Variants in UBE2D2 observed in about 807,000 individuals in gnomAD.
The protein encoded by UBE2D2 is ubiquitin-conjugating enzyme E2 D2.
Under a neutral mutation model 24.2 loss-of-function variants are expected in UBE2D2, and 2 were observed. That is an observed-to-expected ratio of 0.08 (90% CI 0.03 to 0.26). UBE2D2 has a LOEUF of 0.26. Ranked by LOEUF, UBE2D2 falls within the 10% of genes least tolerant of loss-of-function variation. The pLI is 1.00. For missense variants in UBE2D2, 44 were observed against 177.6 expected (o/e 0.25, Z 4.28); for synonymous variants, 58 against 56.5 (o/e 1.03, Z -0.12).
intron 1 of UBE2D2, chr5:139,562,541 G>A: frequency 1.0e-6 from 1 of 979,574 alleles, no homozygotes; most frequent in South Asian, 1.5e-5. Flanking sequence ...GGCAAAGGTA[G>A]AGGTAGAAAC....
At chr5:139,597,061 TA>T (rs368955232) in intron 1 of UBE2D2, among the ~76,000 whole-genome samples, 68 of 151,242 alleles carry the variant, frequency 4.5e-4, no homozygotes, top group East Asian at 3.3e-3. Flanking sequence ...AAAATTACAT[TA>T]AAAAAAATAA....
chr5:139,568,663 G>A (rs552643073), intron 1 of UBE2D2, among the ~76,000 whole-genome samples: 14 of 144,086 alleles, frequency 9.7e-5, no homozygotes, highest in South Asian at 4.4e-4. Context: ...TCTAGAAAAA[G>A]AAAAAAATGA....
At chr5:139,559,819 A>G (rs758229535), upstream of UBE2D2, among the ~76,000 whole-genome samples, 3 of 152,138 alleles carry the variant, frequency 2.0e-5, no homozygotes, top group Non-Finnish European at 2.9e-5. Flanking sequence ...GAATGTGGGC[A>G]TTACCTCCCA....
intron 1 of UBE2D2, among the ~76,000 whole-genome samples, chr5:139,535,613 A>T (rs1345304072): frequency 2.0e-5 from 3 of 151,720 alleles, no homozygotes; most frequent in African/African-American, 7.3e-5. Context: ...TGGGTGACAG[A>T]GTGACACTAT....
At chr5:139,535,804 A>G (rs1012576413) in intron 1 of UBE2D2, among the ~76,000 whole-genome samples, 8 of 152,276 alleles carry the variant, frequency 5.3e-5, no homozygotes, top group Non-Finnish European at 7.3e-5. Context: ...AATGTATTAC[A>G]GTGAGCTCTC....
intron 1 of UBE2D2, among the ~76,000 whole-genome samples, chr5:139,537,333 T>G (rs531460545): frequency 5.6e-4 from 85 of 152,232 alleles, no homozygotes; most frequent in Non-Finnish European, 9.6e-4. Context: ...TGATTGATTG[T>G]TATGCTTCTT....
At position 139,627,516 on chromosome 5, in the gene UBE2D2, A is replaced by ATAAT. The variant is rs1754657732; in HGVS notation, c.*717_*718insATTA. The ATAAT allele has an allele frequency of 6.6e-6, 1 of 152,650 alleles. No homozygotes were observed. The highest frequency in any genetic ancestry group is 1.5e-5 in the Non-Finnish European group (1 of 68,044). The allele number at this position is 152,650 out of a possible 1,614,324, so 9.5% of individuals were successfully genotyped here. On this transcript the variant is annotated 3_prime_UTR_variant, in exon 7 of 7. Transcript: ENST00000398733. ...TGGTTTCTCAGTTAATACATAGCTA[A>ATAAT]TAGCTCTTATTTTTCTTATGTTTTT... is the stretch of plus-strand genomic sequence containing the variant.
upstream of UBE2D2, among the ~76,000 whole-genome samples, chr5:139,560,518 G>A (rs912218050): frequency 1.3e-5 from 2 of 152,024 alleles, no homozygotes; most frequent in Non-Finnish European, 2.9e-5. Context: ...TTTTAGTAGA[G>A]ATGGGGTTTC....
At chr5:139,603,997 T>A (rs920210279) in intron 2 of UBE2D2, among the ~76,000 whole-genome samples, 6 of 151,794 alleles carry the variant, frequency 4.0e-5, no homozygotes, top group Admixed American at 3.9e-4. Flanking sequence ...GAGAAAAAAA[T>A]AGATATTATT....
intron 1 of UBE2D2, among the ~76,000 whole-genome samples, chr5:139,571,313 A>G (rs1753346977): frequency 6.6e-6 from 1 of 151,594 alleles, no homozygotes; most frequent in Non-Finnish European, 1.5e-5. Flanking sequence ...AGGCTGAGGC[A>G]GGAGAATCAC....
chr5:139,529,012 C>A lies in UBE2D2; in HGVS notation c.-64+2400C>A, dbSNP rs373230936. On this transcript the variant is annotated intron_variant, in intron 1 of 6. Transcript: ENST00000511725. The stretch of plus-strand genomic sequence containing the variant: ...AACTCATTGCGGGACTCATTTTCCT[C>A]AAAATTTGGACTTGTACAATAAGGA... Among the ~76,000 whole-genome samples, 4 of 152,288 alleles carry A rather than the reference C, an allele frequency of 2.6e-5. No individual in the cohort carries two copies. In the East Asian group the frequency reaches 5.8e-4, roughly 22 times the overall value.
At chr5:139,554,846 GT>G (rs958177263) in intron 1 of UBE2D2, 2 of 151,490 alleles carry the variant, frequency 1.3e-5, no homozygotes, top group African/African-American at 4.8e-5. Context: ...TTCTGTCAAT[GT>G]TTTTTATTTT....
chr5:139,576,967 A>ATT (rs57930268), intron 1 of UBE2D2, among the ~76,000 whole-genome samples: 14 of 96,744 alleles, frequency 1.4e-4, no homozygotes, highest in African/African-American at 2.9e-4. Context: ...TTTAACTTGA[A>ATT]TTTTTTTTTT....
chr5:139,601,515 G>A (rs1326475679), intron 2 of UBE2D2, among the ~76,000 whole-genome samples: 1 of 152,294 alleles, frequency 6.6e-6, no homozygotes, highest in East Asian at 1.9e-4. Context: ...GGCTAAGGTG[G>A]GAGGTTTGCT....
chr5:139,567,786 G>A (rs1488278157), intron 1 of UBE2D2, among the ~76,000 whole-genome samples: 3 of 151,914 alleles, frequency 2.0e-5, no homozygotes, highest in Non-Finnish European at 2.9e-5. Context: ...CACCCGCCTC[G>A]ACCTCCCAAA....
Position 139,584,752 on chromosome 5 carries a change from C to T in UBE2D2, c.25-15620C>T, listed in dbSNP as rs530441825. On this transcript the variant is annotated intron_variant, in intron 1 of 6. Coordinates refer to ENST00000398733, the MANE Select transcript of UBE2D2 (RefSeq NM_003339.3). The stretch of plus-strand genomic sequence containing the variant: ...TTCACCATGTTGGTCAGGCTGGTCT[C>T]GAACGCCTGACCTCAGGTGATCCAC... Among the ~76,000 whole-genome samples the T allele has an allele frequency of 4.0e-5, 6 of 151,882 alleles. No individual in the cohort carries two copies. The South Asian group carries it at 6.2e-4, about 16-fold the overall frequency.
chr5:139,530,149 C>T (rs939508346), intron 1 of UBE2D2, among the ~76,000 whole-genome samples: 15 of 152,188 alleles, frequency 9.9e-5, no homozygotes, highest in Admixed American at 9.2e-4. Flanking sequence ...GGTAGAGTTC[C>T]AATCACACAG....
chr5:139,536,041 C>T (rs1171996922), intron 1 of UBE2D2, among the ~76,000 whole-genome samples: 1 of 151,370 alleles, frequency 6.6e-6, no homozygotes, highest in African/African-American at 2.4e-5. Flanking sequence ...TACAGGCACC[C>T]ACCACCACAC....
At chr5:139,590,788 T>TTTTTTTC (rs1561513256) in intron 1 of UBE2D2, among the ~76,000 whole-genome samples, 4 of 121,016 alleles carry the variant, frequency 3.3e-5, no homozygotes, top group African/African-American at 1.3e-4. Context: ...TCTTCTTTTT[T>TTTTTTTC]TTTTTTTTTT....
Sources: gnomAD v4.1 joint callset for allele counts (sites outside exome capture counted in the v4.1 genomes callset) on GRCh38, gnomAD v4.1.1 for gene constraint, MANE v1.5 for transcripts, NCBI Gene and HGNC (gene_info 2026-07-23, HGNC 2026-07-21) for gene names.